The following RANBP2 variants were observed in gnomAD, a reference collection of about 807,000 sequenced individuals.
The protein encoded by RANBP2 is RAN binding protein 2.
In RANBP2, 57 loss-of-function variants were observed where a neutral mutation model predicts 303.6. That is an observed-to-expected ratio of 0.19 (90% CI 0.15 to 0.23). The LOEUF (loss-of-function observed/expected upper bound fraction) is 0.23. Among genes scored for constraint, RANBP2 ranks in the 10% least tolerant of loss-of-function variants. The pLI is 1.00. For synonymous variants in RANBP2, 1,167 were observed against 1,301.5 expected (o/e 0.90, Z 2.23); for missense variants, 3,138 against 3,780.8 (o/e 0.83, Z 4.46).
At chr2:109,201,490 C>G in the RANBP2 span, among the ~76,000 whole-genome samples, 1 of 152,174 alleles carries the variant, frequency 6.6e-6, no homozygotes, top group Admixed American at 6.5e-5. Flanking sequence ...TCTCTCTCCC[C>G]CTGGCTACCC....
the RANBP2 span, among the ~76,000 whole-genome samples, chr2:108,815,083 T>A: frequency 6.6e-6 from 1 of 152,206 alleles, no homozygotes; most frequent in Non-Finnish European, 1.5e-5. Context: ...TACTTTGTTA[T>A]TTTACTTTTC....
chr2:109,292,780 T>C, the RANBP2 span, among the ~76,000 whole-genome samples: 3 of 152,218 alleles, frequency 2.0e-5, no homozygotes, highest in Non-Finnish European at 4.4e-5. Flanking sequence ...TTGCCCAGGC[T>C]GGAGTGCAGT....
chr2:109,266,011 G>A, the RANBP2 span, among the ~76,000 whole-genome samples: 2 of 152,170 alleles, frequency 1.3e-5, no homozygotes, highest in African/African-American at 2.4e-5. Flanking sequence ...ATGTGCATGT[G>A]TGTGTATTGT....
chr2:108,779,998 G>A (rs899033422), intron 25 of RANBP2, among the ~76,000 whole-genome samples: 1 of 152,058 alleles, frequency 6.6e-6, no homozygotes, highest in Non-Finnish European at 1.5e-5. Flanking sequence ...AAAATTTCAA[G>A]GTGGGTACTT....
the RANBP2 span, among the ~76,000 whole-genome samples, chr2:109,209,004 C>T: frequency 3.3e-5 from 5 of 152,228 alleles, no homozygotes; most frequent in Non-Finnish European, 5.9e-5. Flanking sequence ...GACATCAACA[C>T]GGACATATGG....
the RANBP2 span, among the ~76,000 whole-genome samples, chr2:108,965,460 G>A: frequency 1.2e-4 from 5 of 41,634 alleles, no homozygotes; most frequent in African/African-American, 3.2e-4. Flanking sequence ...GCGAGATTTC[G>A]TCTCAAAAAA....
the RANBP2 span, among the ~76,000 whole-genome samples, chr2:109,174,500 C>T: frequency 1.3e-5 from 2 of 152,226 alleles, no homozygotes; most frequent in South Asian, 4.1e-4. Context: ...GCTGCCAGGC[C>T]CAGCCAGGGC....
the RANBP2 span, among the ~76,000 whole-genome samples, chr2:109,393,973 A>G: frequency 6.4e-4 from 98 of 152,084 alleles, 1 homozygote; most frequent in African/African-American, 2.3e-3. Context: ...CTGAAATTCC[A>G]GGGCTGGCCG....
chr2:109,294,272 A>T, the RANBP2 span, among the ~76,000 whole-genome samples: 10 of 152,260 alleles, frequency 6.6e-5, no homozygotes, highest in East Asian at 1.9e-3. Context: ...CTGTATAAAG[A>T]ATTGCTGTGC....
chr2:109,204,614 C>T, the RANBP2 span, among the ~76,000 whole-genome samples: 1 of 152,226 alleles, frequency 6.6e-6, no homozygotes, highest in Non-Finnish European at 1.5e-5. Flanking sequence ...GCAGCGCCAC[C>T]TACTCCACCA....
At chr2:109,448,648 C>T in the RANBP2 span, among the ~76,000 whole-genome samples, 4 of 152,210 alleles carry the variant, frequency 2.6e-5, no homozygotes, top group African/African-American at 9.6e-5. Flanking sequence ...AAAATAAGCT[C>T]AGGGGTCCTA....
chr2:109,503,430 G>T, the RANBP2 span: 3 of 152,050 alleles, frequency 2.0e-5, no homozygotes, highest in African/African-American at 4.8e-5. Flanking sequence ...ACACGGCGGG[G>T]GTCATGCCTT....
the RANBP2 span, among the ~76,000 whole-genome samples, chr2:109,033,751 G>A: frequency 1.3e-5 from 2 of 151,520 alleles, no homozygotes; most frequent in African/African-American, 2.4e-5. Flanking sequence ...TCAGGAGTTC[G>A]AGACCAGCCT....
chr2:108,899,941 G>A, the RANBP2 span, among the ~76,000 whole-genome samples: 11 of 151,842 alleles, frequency 7.2e-5, no homozygotes, highest in East Asian at 3.9e-4. Flanking sequence ...AGCCGAGATC[G>A]TGTCACTGCT....
the RANBP2 span, among the ~76,000 whole-genome samples, chr2:109,432,053 C>T: frequency 6.6e-6 from 1 of 152,154 alleles, no homozygotes; most frequent in African/African-American, 2.4e-5. Context: ...GAAAACCCAG[C>T]CCAAGAATAG....
the RANBP2 span, among the ~76,000 whole-genome samples, chr2:109,089,802 G>A: frequency 6.6e-6 from 1 of 152,146 alleles, no homozygotes; most frequent in Non-Finnish European, 1.5e-5. Context: ...TAAAACAAAT[G>A]TAAGTTTCAA....
At chr2:109,006,383 C>CG in the RANBP2 span, among the ~76,000 whole-genome samples, 1 of 151,662 alleles carries the variant, frequency 6.6e-6, no homozygotes, top group South Asian at 2.1e-4. Flanking sequence ...TTATTAGAGA[C>CG]GGGGGTTTCA....
chr2:108,787,912 G>A (rs1679179102), downstream of RANBP2: 2 of 830,490 alleles, frequency 2.4e-6, no homozygotes, highest in Admixed American at 3.2e-5. Context: ...TGGTTAAGAT[G>A]GTGTCTACAA....
chr2:109,348,002 C>T, the RANBP2 span: 5 of 1,541,934 alleles, frequency 3.2e-6, no homozygotes, highest in African/African-American at 2.7e-5. Context: ...TCTGTGCCAC[C>T]CAGGGCTCTT....
Sources: gnomAD v4.1 joint callset for allele counts (sites outside exome capture counted in the v4.1 genomes callset) on GRCh38, gnomAD v4.1.1 for gene constraint, MANE v1.5 for transcripts, NCBI Gene and HGNC (gene_info 2026-07-23, HGNC 2026-07-21) for gene names.